The following CHL1 variants were observed in gnomAD, a reference collection of about 807,000 sequenced individuals.
The protein encoded by CHL1 is cell adhesion molecule L1 like, also known as neural cell adhesion molecule L1-like protein.
A neutral mutation model predicts 141.9 loss-of-function variants in CHL1; 96 were observed. That is an observed-to-expected ratio of 0.68 (90% CI 0.57 to 0.80). The LOEUF (loss-of-function observed/expected upper bound fraction) is 0.80, where lower values mean the gene tolerates loss of function less well. CHL1 is among the 30% of genes least tolerant of loss of function. CHL1 has a pLI of 0.00. For missense variants in CHL1, 1,820 were observed against 1,457.2 expected, an observed-to-expected ratio of 1.25 and a Z score of -4.05; for synonymous variants, 613 against 502.2, an observed-to-expected ratio of 1.22 and a Z score of -2.95.
At chr3:306,996 G>T (rs1232517262) in intron 2 of CHL1, among the ~76,000 whole-genome samples, 3 of 152,160 alleles carry the variant, frequency 2.0e-5, no homozygotes, top group African/African-American at 7.2e-5. Flanking sequence ...CTTAGGTTAA[G>T]GCTAATGGTG....
chr3:400,338 C>G lies in CHL1; in HGVS notation c.3385+1190C>G, dbSNP rs1190611235. Among the ~76,000 whole-genome samples, 6 of 152,102 alleles carry G rather than the reference C, an allele frequency of 3.9e-5. No individual in the cohort carries two copies. In the East Asian group the frequency reaches 9.6e-4, roughly 24 times the overall value. ...AGACTGAATGATTATGAATTAAGTT[C>G]ACAATGACTAATAAATGTTCTGAGT... On this transcript the variant is annotated intron_variant, in intron 26 of 27. Coordinates refer to ENST00000256509, the MANE Select transcript of CHL1 (RefSeq NM_006614.4).
At chr3:375,502 G>T (rs577131178) in intron 15 of CHL1, among the ~76,000 whole-genome samples, 1 of 151,870 alleles carries the variant, frequency 6.6e-6, no homozygotes, top group Non-Finnish European at 1.5e-5. Context: ...TGAAGATGCA[G>T]TCATAGTGAA....
At chr3:321,891 T>C (rs140707989) in intron 3 of CHL1, among the ~76,000 whole-genome samples, 14 of 152,172 alleles carry the variant, frequency 9.2e-5, no homozygotes, top group African/African-American at 3.1e-4. Context: ...GAGGAAAGGA[T>C]TTATAATGTA....
At chr3:332,458 C>A (rs1046310054) in intron 5 of CHL1, among the ~76,000 whole-genome samples, 3 of 152,014 alleles carry the variant, frequency 2.0e-5, no homozygotes, top group Non-Finnish European at 4.4e-5. Context: ...AAGGTGATGA[C>A]GATATTCCTA....
intron 1 of CHL1, among the ~76,000 whole-genome samples, chr3:214,866 A>G (rs1007398084): frequency 1.3e-5 from 2 of 152,168 alleles, no homozygotes; most frequent in African/African-American, 2.4e-5. Context: ...CCTTGAAAAG[A>G]TTAATTATGT....
chr3:364,926 A>G (rs1704680622), intron 14 of CHL1, among the ~76,000 whole-genome samples: 1 of 152,214 alleles, frequency 6.6e-6, no homozygotes, highest in Admixed American at 6.5e-5. Context: ...TGTTTATTAA[A>G]TTGTATCTAT....
chr3:261,781 A>G (rs905122315), intron 2 of CHL1, among the ~76,000 whole-genome samples: 1 of 152,120 alleles, frequency 6.6e-6, no homozygotes, highest in Non-Finnish European at 1.5e-5. Context: ...GAATAAAAAG[A>G]TAATAATTGG....
chr3:285,409 T>C (rs999791111), intron 2 of CHL1, among the ~76,000 whole-genome samples: 3 of 152,210 alleles, frequency 2.0e-5, no homozygotes, highest in African/African-American at 7.2e-5. Context: ...TATACTGCAA[T>C]TAAGCAATTG....
intron 2 of CHL1, among the ~76,000 whole-genome samples, chr3:303,850 TG>T (rs1698980496): frequency 6.6e-6 from 1 of 152,188 alleles, no homozygotes; most frequent in Non-Finnish European, 1.5e-5. Context: ...AGTATGATAT[TG>T]GTTGTGGGTT....
intron 24 of CHL1, 51 bp from the exon 25 acceptor site, chr3:398,176 C>T (rs1322098497): frequency 3.2e-6 from 4 of 1,260,216 alleles, no homozygotes; most frequent in Admixed American, 2.4e-5. Flanking sequence ...TTTTTATGTC[C>T]TGTTTTTCCA....
chr3:392,690 T>C (rs543031588), intron 23 of CHL1, among the ~76,000 whole-genome samples: 5 of 152,220 alleles, frequency 3.3e-5, no homozygotes, highest in African/African-American at 1.2e-4. Context: ...AACTTGATCA[T>C]AGTCCTGTTG....
In CHL1 at chr3:239,065, A is replaced by T. The variant is rs1692284801; in HGVS notation, c.-174-5548A>T. Among the ~76,000 whole-genome samples the T allele has an allele frequency of 2.0e-5, 3 of 151,896 alleles. No individual in the cohort carries two copies. In the South Asian group the frequency reaches 6.2e-4, roughly 32 times the overall value. On this transcript the variant is annotated intron_variant, in intron 1 of 27. Transcript: ENST00000256509. The stretch of plus-strand genomic sequence containing the variant: ...ATGCTACCACGTGGGGTACTGTGTG[A>T]TTTCCTCCTGATGGCTGAGTTGAGT...
Position 382,526 on chromosome 3 carries a change from A to C in CHL1, c.2031A>C (p.Glu677Asp). The C allele has an allele frequency of 1.2e-6, 2 of 1,613,954 alleles. No homozygotes were observed. The highest frequency in any genetic ancestry group is 1.7e-6 in the Non-Finnish European group (2 of 1,179,870). ...AAGAAGAGCCTGGAAGGTGGGAGGA[A>C]CTGACCAGAGTCCAAGGAAAGAAAA... is the stretch of plus-strand genomic sequence containing the variant. The part of the protein sequence containing the change: ...GNKEEPGRWE[E>D]LTRVQGKKTT... The change falls in exon 18 of 28, where the codon GAA becomes GAC. Residue 677 changes from glutamate to aspartate, a missense_variant. Physicochemically the swap from Glu to Asp is conservative, Grantham distance 45. Coordinates refer to ENST00000256509, the MANE Select transcript of CHL1 (RefSeq NM_006614.4).
intron 2 of CHL1, among the ~76,000 whole-genome samples, chr3:291,680 G>A (rs1349423146): frequency 3.3e-5 from 5 of 151,922 alleles, no homozygotes; most frequent in Admixed American, 6.6e-5. Flanking sequence ...GAGATTTTTA[G>A]AGGTCATTTT....
Position 391,085 on chromosome 3 carries a change from T to C in CHL1, c.2717T>C (p.Leu906Ser). 1 of 1,613,954 alleles carries C rather than the reference T, an allele frequency of 6.2e-7. No homozygotes were observed. Among genetic ancestry groups the C allele is most frequent in the East Asian group, 2.2e-5 (1 of 44,878 alleles). The change falls in exon 22 of 28, where the codon TTA becomes TCA. Residue 906 changes from leucine (L) to serine (S), a missense_variant. Leu to Ser is a moderately radical substitution (Grantham distance 145). Coordinates refer to ENST00000256509, the MANE Select transcript of CHL1 (RefSeq NM_006614.4). ...TTAGATGCCTTTAGTGAATTTCATT[T>C]AACAGTCTTAGCCTATAACTCTAAA... ...PSLDAFSEFH[L>S]TVLAYNSKGA...
intron 1 of CHL1, among the ~76,000 whole-genome samples, chr3:203,791 C>G (rs9878363): frequency 6.6e-5 from 10 of 152,168 alleles, no homozygotes; most frequent in Admixed American, 1.3e-4. Context: ...GGCAGTAAGA[C>G]GGCAAGGGAG....
At chr3:348,264 G>A (rs1202834288) in intron 9 of CHL1, among the ~76,000 whole-genome samples, 1 of 152,130 alleles carries the variant, frequency 6.6e-6, no homozygotes, top group Non-Finnish European at 1.5e-5. Context: ...TGGAGCTTCA[G>A]ACTCCTTACT....
chr3:221,428 A>G (rs1700829286), intron 1 of CHL1, among the ~76,000 whole-genome samples: 1 of 152,252 alleles, frequency 6.6e-6, no homozygotes, highest in Admixed American at 6.5e-5. Flanking sequence ...TTTCAGCTCC[A>G]GATTAAAAGG....
intron 2 of CHL1, among the ~76,000 whole-genome samples, chr3:297,513 T>C (rs934567249): frequency 6.6e-6 from 1 of 152,228 alleles, no homozygotes; most frequent in African/African-American, 2.4e-5. Context: ...TGAACAAATA[T>C]CATAGTAATT....
Sources: allele counts gnomAD v4.1 joint callset (sites outside exome capture counted in the v4.1 genomes callset), GRCh38; gene constraint gnomAD v4.1.1; transcripts MANE v1.5; gene names NCBI Gene and HGNC (gene_info 2026-07-23, HGNC 2026-07-21).